Variants in PHF20 observed in about 807,000 individuals in gnomAD.
PHF20 encodes the protein PHD finger protein 20, also known as glioma-expressed antigen 2.
In PHF20, 23 loss-of-function variants were observed where a neutral mutation model predicts 113.5. That is an observed-to-expected ratio of 0.20 (90% CI 0.15 to 0.29). The LOEUF (loss-of-function observed/expected upper bound fraction) is 0.29, where lower values mean the gene tolerates loss of function less well. Ranked by LOEUF, PHF20 falls within the 10% of genes least tolerant of loss-of-function variation. PHF20 has a pLI of 1.00. For missense variants in PHF20, 943 were observed against 1,219.6 expected, an observed-to-expected ratio of 0.77 and a Z score of 3.38; for synonymous variants, 434 against 457.3, an observed-to-expected ratio of 0.95 and a Z score of 0.65.
At chr20:35,818,211 G>A (rs564212782) in intron 2 of PHF20, among the ~76,000 whole-genome samples, 6 of 152,206 alleles carry the variant, frequency 3.9e-5, no homozygotes, top group African/African-American at 1.4e-4. Context: ...GGAGGTGGAG[G>A]TTGTAGTGAG....
At chr20:35,885,467 CTTTTTTTTTTTTTT>C (rs577878410) in intron 9 of PHF20, among the ~76,000 whole-genome samples, 556 of 35,760 alleles carry the variant, frequency 0.016, 8 homozygotes, top group African/African-American at 0.052. Flanking sequence ...GGGGAATAAG[CTTTTTTTTTTTTTT>C]TTTTTTTTTT....
chr20:35,858,995 C>T (rs536425245), intron 5 of PHF20, among the ~76,000 whole-genome samples: 5 of 152,266 alleles, frequency 3.3e-5, no homozygotes, highest in East Asian at 1.9e-4. Context: ...CTGTGCCCTG[C>T]GCCCCACAAG....
intron 3 of PHF20, among the ~76,000 whole-genome samples, 182 bp from the exon 4 acceptor site, chr20:35,847,168 A>G (rs1345468938): frequency 1.3e-5 from 2 of 152,112 alleles, no homozygotes; most frequent in Non-Finnish European, 2.9e-5. Context: ...AGGACAAATG[A>G]CACCGAAATT....
chr20:35,879,686 T>G (rs1450351546), intron 9 of PHF20, among the ~76,000 whole-genome samples: 3 of 150,790 alleles, frequency 2.0e-5, no homozygotes, highest in Non-Finnish European at 4.4e-5. Context: ...GTATATGTAT[T>G]ATTATTAAAG....
intron 9 of PHF20, among the ~76,000 whole-genome samples, chr20:35,880,126 T>C (rs972332053): frequency 1.3e-5 from 2 of 152,228 alleles, no homozygotes; most frequent in African/African-American, 4.8e-5. Context: ...ACTCTTGGAC[T>C]TAGTGTTCAT....
chr20:35,817,795 C>T (rs1382884399), intron 2 of PHF20, among the ~76,000 whole-genome samples: 1 of 151,432 alleles, frequency 6.6e-6, no homozygotes, highest in African/African-American at 2.4e-5. Flanking sequence ...TACCCTGTCT[C>T]AAAAAAATTT....
intron 10 of PHF20, among the ~76,000 whole-genome samples, chr20:35,904,277 A>ATGTTT (rs2055157509): frequency 1.0e-5 from 1 of 98,924 alleles, no homozygotes; most frequent in African/African-American, 4.1e-5. Flanking sequence ...GAATGCTCTG[A>ATGTTT]TTTTTTTTTT....
intron 1 of PHF20, among the ~76,000 whole-genome samples, chr20:35,782,136 T>C (rs921836915): frequency 6.6e-6 from 1 of 152,112 alleles, no homozygotes; most frequent in Non-Finnish European, 1.5e-5. Context: ...CCATGGAGTA[T>C]TGAATTCTGT....
At chr20:35,811,947 AT>A (rs991407253) in intron 2 of PHF20, among the ~76,000 whole-genome samples, 18 of 144,434 alleles carry the variant, frequency 1.2e-4, no homozygotes, top group Admixed American at 2.8e-4. Context: ...ATTTTTTTGT[AT>A]TTTTTTAATA....
chr20:35,908,095 T>G (rs1012296283), intron 10 of PHF20, among the ~76,000 whole-genome samples: 1 of 152,236 alleles, frequency 6.6e-6, no homozygotes. Flanking sequence ...TTGAATCTGT[T>G]GTGAAGCCCA....
chr20:35,927,974 T>C, intron 14 of PHF20, 95 bp downstream of exon 14: 1 of 873,172 alleles, frequency 1.1e-6, no homozygotes, highest in Non-Finnish European at 1.9e-6. Flanking sequence ...GTCTTGAGAC[T>C]CATTTCTTCA....
chr20:35,878,803 GTAT>G (rs1445130832), intron 9 of PHF20: 5 of 636,946 alleles, frequency 7.8e-6, no homozygotes, highest in African/African-American at 3.7e-5. Context: ...TTGAAGTTAC[GTAT>G]TATTGTTGAA....
chr20:35,850,760 C>T (rs2042716315), intron 4 of PHF20: 1 of 629,000 alleles, frequency 1.6e-6, no homozygotes, highest in Non-Finnish European at 2.9e-6. Flanking sequence ...TATATGTCCA[C>T]ATAGCAATAC....
intron 9 of PHF20, among the ~76,000 whole-genome samples, chr20:35,879,005 C>G (rs1384179041): frequency 6.6e-6 from 1 of 152,216 alleles, no homozygotes; most frequent in African/African-American, 2.4e-5. Flanking sequence ...TGAATGTCCA[C>G]CTTCTTAAAT....
intron 14 of PHF20, 146 bp downstream of exon 14, chr20:35,928,025 T>C: frequency 1.5e-6 from 1 of 664,914 alleles, no homozygotes; most frequent in Non-Finnish European, 2.7e-6. Flanking sequence ...TCTGTTGCTA[T>C]CCTGCCTTGT....
intron 1 of PHF20, chr20:35,774,431 C>T (rs2041132328): frequency 6.6e-6 from 1 of 152,212 alleles, no homozygotes; most frequent in Non-Finnish European, 1.5e-5. Context: ...TCTGGGACCT[C>T]CTATCTCTTA....
intron 2 of PHF20, among the ~76,000 whole-genome samples, chr20:35,809,252 G>GAA (rs1180600866): frequency 6.9e-6 from 1 of 144,766 alleles, no homozygotes; most frequent in South Asian, 2.2e-4. Flanking sequence ...TGTCTTGGAA[G>GAA]AAAAAAAAAA....
At chr20:35,905,676 T>G (rs947203967) in intron 10 of PHF20, among the ~76,000 whole-genome samples, 3 of 152,206 alleles carry the variant, frequency 2.0e-5, no homozygotes, top group African/African-American at 7.2e-5. Context: ...TATAACAGCC[T>G]GAGCAGACTA....
chr20:35,858,763 G>A (rs2042883542), intron 5 of PHF20, among the ~76,000 whole-genome samples: 1 of 123,174 alleles, frequency 8.1e-6, no homozygotes, highest in East Asian at 2.3e-4. Context: ...AGTAGAGACG[G>A]GGTTTCACCG....
Sources: allele counts gnomAD v4.1 joint callset (sites outside exome capture counted in the v4.1 genomes callset), GRCh38; gene constraint gnomAD v4.1.1; transcripts MANE v1.5; gene names NCBI Gene and HGNC (gene_info 2026-07-23, HGNC 2026-07-21).